The following NFU1 variants were observed in gnomAD, a reference collection of about 807,000 sequenced individuals.
NFU1 encodes NFU1 iron-sulfur cluster scaffold homolog, mitochondrial.
Under a neutral mutation model 32.2 loss-of-function variants are expected in NFU1, and 30 were observed. That is an observed-to-expected ratio of 0.93 (90% CI 0.70 to 1.26). NFU1 has a LOEUF of 1.26. NFU1 is among the 50% of genes most tolerant of loss of function. NFU1 has a pLI of 0.00. For synonymous variants in NFU1, 112 were observed against 104.6 expected (o/e 1.07, Z -0.43); for missense variants, 306 against 306.6 (o/e 1.00, Z 0.02).
chr2:69,400,880 T>G (rs904966096), intron 6 of NFU1, among the ~76,000 whole-genome samples: 2 of 152,116 alleles, frequency 1.3e-5, no homozygotes, highest in Non-Finnish European at 2.9e-5. Context: ...AGCCCAGGAG[T>G]TGGAAGCTGC....
chr2:69,406,736 CA>C (rs1378277415), intron 5 of NFU1, among the ~76,000 whole-genome samples: 1 of 151,992 alleles, frequency 6.6e-6, no homozygotes, highest in Non-Finnish European at 1.5e-5. Context: ...CACACCCAGG[CA>C]ATTTTTTTAT....
chr2:69,403,411 G>A (rs1672589179), intron 6 of NFU1, among the ~76,000 whole-genome samples: 1 of 150,066 alleles, frequency 6.7e-6, no homozygotes, highest in African/African-American at 2.5e-5. Flanking sequence ...TTTCTGGTGA[G>A]ACAGGGTCTT....
chr2:69,437,300 G>T, intron 1 of NFU1, 61 bp downstream of exon 1: 3 of 1,560,606 alleles, frequency 1.9e-6, no homozygotes, highest in South Asian at 1.2e-5. Context: ...GCAAGGCGGC[G>T]ACCGCTCCGC....
intron 3 of NFU1, among the ~76,000 whole-genome samples, chr2:69,423,278 G>GTGTGTGTGTGTA (rs1673326413): frequency 8.0e-6 from 1 of 125,272 alleles, no homozygotes; most frequent in Admixed American, 8.2e-5. Flanking sequence ...GTGTGTGTGT[G>GTGTGTGTGTGTA]TGTGTGTGTG....
chr2:69,429,178 T>TG (rs1245215212), intron 2 of NFU1, among the ~76,000 whole-genome samples: 6 of 152,232 alleles, frequency 3.9e-5, no homozygotes. Flanking sequence ...CTTCTAACTC[T>TG]GGCTCTGAAC....
chr2:69,396,367 C>T (rs371400208), intron 7 of NFU1, 77 bp from the exon 8 acceptor site: 3 of 1,005,958 alleles, frequency 3.0e-6, no homozygotes, highest in Non-Finnish European at 1.6e-6. Context: ...TTTAATATTA[C>T]TTCTTTACCT....
chr2:69,411,943 G>T (rs1365464622), intron 5 of NFU1, among the ~76,000 whole-genome samples: 1 of 152,088 alleles, frequency 6.6e-6, no homozygotes, highest in African/African-American at 2.4e-5. Flanking sequence ...AGACATATGG[G>T]CCAGGTGGCG....
intron 5 of NFU1, among the ~76,000 whole-genome samples, chr2:69,410,288 C>T (rs1672835683): frequency 6.6e-6 from 1 of 152,110 alleles, no homozygotes; most frequent in South Asian, 2.1e-4. Flanking sequence ...GCTCAGGTGG[C>T]TGAGGCAGGA....
chr2:69,418,054 T>C (rs1483523228), intron 4 of NFU1, among the ~76,000 whole-genome samples: 1 of 152,158 alleles, frequency 6.6e-6, no homozygotes, highest in Non-Finnish European at 1.5e-5. Context: ...TTGAATATAT[T>C]AAATAAATGT....
chr2:69,437,258 A>C, intron 1 of NFU1, 103 bp downstream of exon 1: 1 of 1,517,536 alleles, frequency 6.6e-7, no homozygotes, highest in Non-Finnish European at 8.8e-7. Flanking sequence ...GCTCCATCAG[A>C]TGCACTACCC....
intron 7 of NFU1, chr2:69,399,481 G>C (rs1183379636): frequency 3.3e-5 from 13 of 399,608 alleles, no homozygotes; most frequent in Non-Finnish European, 2.5e-5. Context: ...TTCTTAATGG[G>C]CTTCTTGCTT....
At chr2:69,418,532 T>C (rs1355691995) in intron 4 of NFU1, among the ~76,000 whole-genome samples, 2 of 152,072 alleles carry the variant, frequency 1.3e-5, no homozygotes, top group African/African-American at 4.8e-5. Context: ...AGTGGCCCGA[T>C]CTCCGCTCAC....
rs57509382 is a variant in NFU1 at position 69,427,997 on chromosome 2, T to G, written c.166+3905A>C. On this transcript the variant is annotated intron_variant, in intron 2 of 7. Coordinates refer to ENST00000410022, the MANE Select transcript of NFU1 (RefSeq NM_001002755.4). ...AAGATTGCGCCATTACAGTCCAGCC[T>G]GGGCAACAGAGCAAGACTCTGTCTC... Among the ~76,000 whole-genome samples, 1,450 of 152,082 alleles carry G rather than the reference T, an allele frequency of 9.5e-3. 22 individuals are homozygous for G. Among genetic ancestry groups the G allele is most frequent in the African/African-American group, 0.032 (1,338 of 41,456 alleles).
chr2:69,404,959 G>A (rs1207908469), intron 6 of NFU1, among the ~76,000 whole-genome samples: 3 of 151,610 alleles, frequency 2.0e-5, no homozygotes, highest in Admixed American at 1.3e-4. Context: ...CTAACTATAG[G>A]CTTACTTGGC....
At chr2:69,432,063 G>A (rs1255081317) in intron 1 of NFU1, 58 bp from the exon 2 acceptor site, 8 of 1,176,704 alleles carry the variant, frequency 6.8e-6, no homozygotes, top group African/African-American at 1.5e-5. Flanking sequence ...TTTAAAGTTG[G>A]TTTCTACTTC....
intron 6 of NFU1, among the ~76,000 whole-genome samples, chr2:69,404,615 A>ATATTTTTTTTTTTTTTTTTTTTTTT (rs1426118283): frequency 1.1e-4 from 8 of 73,008 alleles, no homozygotes; most frequent in South Asian, 5.3e-4. Context: ...ATCTTAGCAA[A>ATATTTTTTTTTTTTTTTTTTTTTTT]TTTTTTTTTT....
chr2:69,402,419 T>C (rs1672552626), intron 6 of NFU1, among the ~76,000 whole-genome samples: 1 of 152,100 alleles, frequency 6.6e-6, no homozygotes. Context: ...CTAAAACTCC[T>C]AAGCTCAAGG....
At chr2:69,437,152 AG>A (rs758429704) in intron 1 of NFU1, 20 of 1,127,200 alleles carry the variant, frequency 1.8e-5, no homozygotes, top group Middle Eastern at 4.7e-4. Context: ...AGGAAGCTCC[AG>A]AGAGTCCGCC....
chr2:69,436,450 G>A (rs1673839023), intron 1 of NFU1, among the ~76,000 whole-genome samples: 1 of 152,132 alleles, frequency 6.6e-6, no homozygotes, highest in South Asian at 2.1e-4. Context: ...CGTCCCTTCA[G>A]CCCAGGGAAA....
Sources: allele counts gnomAD v4.1 joint callset (sites outside exome capture counted in the v4.1 genomes callset), GRCh38; gene constraint gnomAD v4.1.1; transcripts MANE v1.5; gene names NCBI Gene and HGNC (gene_info 2026-07-23, HGNC 2026-07-21).